The following DMGDH variants were observed in gnomAD, a reference collection of about 807,000 sequenced individuals.
DMGDH encodes the protein dimethylglycine dehydrogenase, mitochondrial.
A neutral mutation model predicts 95.2 loss-of-function variants in DMGDH; 76 were observed. That is an observed-to-expected ratio of 0.80 (90% CI 0.66 to 0.97). DMGDH has a LOEUF of 0.97. DMGDH is among the 50% of genes least tolerant of loss of function. DMGDH has a pLI of 0.00. For missense variants in DMGDH, 987 were observed against 1,055.0 expected (o/e 0.94, Z 0.89); for synonymous variants, 345 against 377.6 (o/e 0.91, Z 1.00).
intron 8 of DMGDH, 59 bp from the exon 9 acceptor site, chr5:79,032,899 A>G (rs1159505110): frequency 1.3e-6 from 2 of 1,593,952 alleles, no homozygotes; most frequent in East Asian, 4.5e-5. Flanking sequence ...AGATACTTAC[A>G]TGGGATTCCA....
intron 11 of DMGDH, 32 bp downstream of exon 11, chr5:79,029,872 G>A: frequency 6.2e-7 from 1 of 1,610,464 alleles, no homozygotes; most frequent in Non-Finnish European, 8.5e-7. Flanking sequence ...TATATAATGT[G>A]TACAAAATTT....
At chr5:79,007,418 T>C (rs1753571680) in intron 14 of DMGDH, among the ~76,000 whole-genome samples, 3 of 152,158 alleles carry the variant, frequency 2.0e-5, no homozygotes, top group Admixed American at 6.5e-5. Flanking sequence ...TTGGTATATG[T>C]GGGGGTTCTG....
intron 7 of DMGDH, among the ~76,000 whole-genome samples, chr5:79,039,593 A>G (rs1288079961): frequency 6.6e-6 from 1 of 152,198 alleles, no homozygotes; most frequent in African/African-American, 2.4e-5. Context: ...ACATTAGGAG[A>G]TACACCTAAT....
intron 2 of DMGDH, among the ~76,000 whole-genome samples, chr5:79,061,796 T>G (rs1332643224): frequency 1.3e-5 from 2 of 151,970 alleles, no homozygotes; most frequent in Non-Finnish European, 2.9e-5. Flanking sequence ...AGCGCACACC[T>G]GTATAATCCT....
At chr5:78,998,325 G>C (rs370132508) in intron 15 of DMGDH, 28 bp from the exon 16 acceptor site, 1 of 1,596,028 alleles carries the variant, frequency 6.3e-7, no homozygotes, top group South Asian at 1.1e-5. Flanking sequence ...ACAGTCCTCA[G>C]CATCTTGGTC....
rs1754601828 is a variant in DMGDH at position 79,044,290 on chromosome 5, T to C, written c.994+14A>G. The C allele has an allele frequency of 6.2e-7, 1 of 1,614,176 alleles. No individual in the cohort carries two copies. The highest frequency in any genetic ancestry group is 8.5e-7 in the Non-Finnish European group (1 of 1,180,000). On this transcript the variant is annotated intron_variant, in intron 6 of 15. Transcript: ENST00000255189. ...CATGTCTGACTAGCACACACTTTCA[T>C]TTGCTGAACCCACCTGGAGGAACTC... is the stretch of plus-strand genomic sequence containing the variant.
intron 15 of DMGDH, among the ~76,000 whole-genome samples, chr5:78,999,554 C>T (rs1753418506): frequency 6.6e-6 from 1 of 151,850 alleles, no homozygotes; most frequent in South Asian, 2.1e-4. Flanking sequence ...AGGATGGTCT[C>T]GAACTCCTGA....
At chr5:79,002,099 C>T (rs1365824633) in intron 15 of DMGDH, among the ~76,000 whole-genome samples, 1 of 152,166 alleles carries the variant, frequency 6.6e-6, no homozygotes, top group Non-Finnish European at 1.5e-5. Context: ...TCATTTCTCT[C>T]GCAAATTATG....
chr5:79,007,280 T>C (rs1463254748), intron 14 of DMGDH, among the ~76,000 whole-genome samples: 2 of 152,226 alleles, frequency 1.3e-5, no homozygotes, highest in East Asian at 1.9e-4. Flanking sequence ...GGAGGTCCAC[T>C]TACATGTGGA....
chr5:79,030,416 C>A, intron 10 of DMGDH: 1 of 248,998 alleles, frequency 4.0e-6, no homozygotes, highest in Non-Finnish European at 7.8e-6. Context: ...CTTTGGGAGG[C>A]TGAGGCGGGT....
In DMGDH at chr5:79,028,321, T is replaced by G. The variant is rs571338612; in HGVS notation, c.2032+112A>C. The G allele has an allele frequency of 1.0e-5, 9 of 897,326 alleles. No individual in the cohort carries two copies. The South Asian group carries it at 1.3e-4, about 13-fold the overall frequency. The allele number at this position is 897,326 out of a possible 1,614,324, so 55.6% of individuals were successfully genotyped here. On this transcript the variant is annotated intron_variant, in intron 12 of 15. Transcript: ENST00000255189. ...ACAAAAGTGAGTGTGAGTGTGCACA[T>G]GCATACACACTCACACATTTCTTGT... is the stretch of plus-strand genomic sequence containing the variant.
chr5:78,999,114 G>C (rs1267985532), intron 15 of DMGDH, among the ~76,000 whole-genome samples: 1 of 152,184 alleles, frequency 6.6e-6, no homozygotes, highest in East Asian at 1.9e-4. Flanking sequence ...CTTACAGCTG[G>C]AGCTCAAGAC....
At chr5:79,026,999 C>T (rs1439720242) in intron 12 of DMGDH, among the ~76,000 whole-genome samples, 1 of 152,134 alleles carries the variant, frequency 6.6e-6, no homozygotes, top group African/African-American at 2.4e-5. Context: ...AAATCACAAG[C>T]TTAAAAATAT....
chr5:79,056,989 T>C (rs1408644687), intron 2 of DMGDH, among the ~76,000 whole-genome samples: 3 of 152,216 alleles, frequency 2.0e-5, no homozygotes, highest in Non-Finnish European at 4.4e-5. Context: ...TCCACCCTTC[T>C]CTTAAATGGA....
intron 2 of DMGDH, among the ~76,000 whole-genome samples, chr5:79,061,286 T>A (rs1445548241): frequency 6.6e-6 from 1 of 151,352 alleles, no homozygotes; most frequent in Non-Finnish European, 1.5e-5. Context: ...ATATGTTGGA[T>A]TTCTTCATGC....
intron 5 of DMGDH, among the ~76,000 whole-genome samples, chr5:79,045,138 A>C (rs1754635490): frequency 6.6e-6 from 1 of 152,234 alleles, no homozygotes; most frequent in Non-Finnish European, 1.5e-5. Flanking sequence ...GAGAGAAAGC[A>C]CATTAAGTTT....
intron 7 of DMGDH, among the ~76,000 whole-genome samples, chr5:79,041,858 G>A (rs927025030): frequency 1.3e-5 from 2 of 152,106 alleles, no homozygotes; most frequent in Non-Finnish European, 2.9e-5. Flanking sequence ...AAAATTAGCC[G>A]GCGTGATGCC....
intron 5 of DMGDH, among the ~76,000 whole-genome samples, chr5:79,047,936 A>T (rs546359993): frequency 6.6e-6 from 1 of 152,250 alleles, no homozygotes; most frequent in African/African-American, 2.4e-5. Context: ...TCTTACTCAC[A>T]CTAGCTTGAT....
chr5:79,030,318 C>T (rs984420013), intron 10 of DMGDH, among the ~76,000 whole-genome samples: 1 of 152,154 alleles, frequency 6.6e-6, no homozygotes. Context: ...GTCATAAGGT[C>T]CTTGGATGAG....
Sources: allele counts gnomAD v4.1 joint callset (sites outside exome capture counted in the v4.1 genomes callset), GRCh38; gene constraint gnomAD v4.1.1; transcripts MANE v1.5; gene names NCBI Gene and HGNC (gene_info 2026-07-23, HGNC 2026-07-21).